Variants in ZNF516 observed in about 807,000 individuals in gnomAD.
The protein encoded by ZNF516 is zinc finger protein 516.
In ZNF516, 19 loss-of-function variants were observed where a neutral mutation model predicts 79.7. That is an observed-to-expected ratio of 0.24 (90% CI 0.17 to 0.35). The LOEUF (loss-of-function observed/expected upper bound fraction) is 0.35. Ranked by LOEUF, ZNF516 falls within the 10% of genes least tolerant of loss-of-function variation. The pLI is 1.00. For missense variants in ZNF516, 1,678 were observed against 1,679.5 expected (o/e 1.00, Z 0.02); for synonymous variants, 877 against 739.5 (o/e 1.19, Z -3.02).
intron 4 of ZNF516, among the ~76,000 whole-genome samples, chr18:76,372,452 T>C (rs1218359453): frequency 6.6e-6 from 1 of 152,082 alleles, no homozygotes; most frequent in African/African-American, 2.4e-5. Context: ...ACAGAAATAA[T>C]AACTAGAAAA....
rs1258347325 is a variant in ZNF516 at position 76,470,875 on chromosome 18, G to T, written c.-271-7734C>A. Among the ~76,000 whole-genome samples, 4 of 152,118 alleles carry T rather than the reference G, an allele frequency of 2.6e-5. No individual in the cohort carries two copies. The East Asian group carries it at 7.7e-4, about 29-fold the overall frequency. On this transcript the variant is annotated intron_variant, in intron 1 of 6. Coordinates refer to ENST00000443185, the MANE Select transcript of ZNF516 (RefSeq NM_014643.4). ...TAAAAAATGCAACAAAAGTTAGCCT[G>T]GCATGGTGGCAGGCGCCCGTAGTCC...
rs368787596 is a variant in ZNF516 at position 76,442,015 on chromosome 18, A to T, written c.1040T>A (p.Leu347Gln). 51 of 1,613,818 alleles carry T rather than the reference A, an allele frequency of 3.2e-5. No homozygotes were observed. In the African/African-American group the frequency reaches 6.0e-4, roughly 19 times the overall value. The change falls in exon 3 of 7, where the codon CTG becomes CAG. Residue 347 changes from leucine to glutamine, a missense_variant. Physicochemically the swap from Leu to Gln is moderately radical, Grantham distance 113 (BLOSUM62 -2). Around this residue, in one of 5 missense-constraint regions of ZNF516, gnomAD observed 1,294 missense variants for 1,248.3 expected, o/e 1.04. Transcript: ENST00000443185. ...GGCATTGTGGGCGTTCAAGCTGTCC[A>T]GGTTTGTAAACAGGTTCCCGCACTT... ...CAKCGNLFTN[L>Q]DSLNAHNAIH... is the part of the protein sequence containing the mutation.
chr18:76,446,255 A>T (rs1360725539), intron 2 of ZNF516, among the ~76,000 whole-genome samples: 4 of 152,238 alleles, frequency 2.6e-5, no homozygotes, highest in African/African-American at 9.6e-5. Context: ...CACAGCATCC[A>T]GACCCCAGGG....
intron 1 of ZNF516, among the ~76,000 whole-genome samples, chr18:76,472,735 C>T (rs904129766): frequency 2.0e-5 from 3 of 152,098 alleles, no homozygotes; most frequent in African/African-American, 7.2e-5. Flanking sequence ...CAAATGAAGG[C>T]CTCACAGGCA....
intron 2 of ZNF516, among the ~76,000 whole-genome samples, chr18:76,447,880 T>C (rs1912153011): frequency 6.6e-6 from 1 of 152,032 alleles, no homozygotes; most frequent in Non-Finnish European, 1.5e-5. Flanking sequence ...TCTTGCTGTA[T>C]GTGAGTGTGT....
At chr18:76,367,428 T>C (rs1249209405) in intron 6 of ZNF516, among the ~76,000 whole-genome samples, 1 of 152,208 alleles carries the variant, frequency 6.6e-6, no homozygotes, top group Non-Finnish European at 1.5e-5. Flanking sequence ...CCTAGGGCTC[T>C]CTATCCCCTG....
intron 3 of ZNF516, among the ~76,000 whole-genome samples, chr18:76,395,305 G>A (rs560057900): frequency 6.6e-6 from 1 of 152,276 alleles, no homozygotes; most frequent in East Asian, 1.9e-4. Flanking sequence ...CAGACACCAA[G>A]AAAGCAAACC....
At chr18:76,371,117 C>T (rs1325295838) in intron 5 of ZNF516, among the ~76,000 whole-genome samples, 1 of 152,248 alleles carries the variant, frequency 6.6e-6, no homozygotes, top group Non-Finnish European at 1.5e-5. Flanking sequence ...GACACAAAAC[C>T]AAGCCTACGC....
chr18:76,364,929 G>C (rs1279361441), intron 6 of ZNF516, among the ~76,000 whole-genome samples: 1 of 152,226 alleles, frequency 6.6e-6, no homozygotes, highest in South Asian at 2.1e-4. Context: ...ATTATATTTA[G>C]AGAAAATGGA....
chr18:76,447,267 G>A (rs1306467437), intron 2 of ZNF516, among the ~76,000 whole-genome samples: 1 of 152,224 alleles, frequency 6.6e-6, no homozygotes, highest in African/African-American at 2.4e-5. Context: ...TGGGACGTCA[G>A]CGGCCCTGCT....
At chr18:76,490,132 A>C in intron 1 of ZNF516, 1 of 983,970 alleles carries the variant, frequency 1.0e-6, no homozygotes, top group Non-Finnish European at 1.2e-6. Flanking sequence ...AATATTTGTG[A>C]GTCTTACACA....
intron 3 of ZNF516, among the ~76,000 whole-genome samples, chr18:76,384,037 G>A (rs766611944): frequency 2.6e-5 from 4 of 152,164 alleles, no homozygotes; most frequent in Admixed American, 6.5e-5. Flanking sequence ...CCTCCCAGGC[G>A]GCCCAAGGGG....
At chr18:76,422,750 A>T (rs1245515886) in intron 3 of ZNF516, among the ~76,000 whole-genome samples, 3 of 152,084 alleles carry the variant, frequency 2.0e-5, no homozygotes, top group African/African-American at 7.2e-5. Context: ...TGAATTCCAT[A>T]TATCTGGAGG....
intron 2 of ZNF516, among the ~76,000 whole-genome samples, chr18:76,445,308 G>C (rs1197753455): frequency 2.0e-5 from 3 of 151,290 alleles, no homozygotes; most frequent in African/African-American, 7.3e-5. Context: ...AACTGGAGAA[G>C]TAAATAAGCT....
At chr18:76,443,261 C>T in intron 2 of ZNF516, 50 bp from the exon 3 acceptor site, 1 of 717,012 alleles carries the variant, frequency 1.4e-6, no homozygotes, top group Non-Finnish European at 2.2e-6. Flanking sequence ...TAAGAGGGCA[C>T]AGGCATGGCT....
intron 3 of ZNF516, among the ~76,000 whole-genome samples, chr18:76,439,339 A>G (rs2075784372): frequency 6.6e-6 from 1 of 152,218 alleles, no homozygotes; most frequent in Admixed American, 6.5e-5. Flanking sequence ...AGTGACCCAC[A>G]TACACCTACA....
At chr18:76,484,102 C>T (rs375807293) in intron 1 of ZNF516, among the ~76,000 whole-genome samples, 2 of 152,220 alleles carry the variant, frequency 1.3e-5, no homozygotes, top group Non-Finnish European at 2.9e-5. Context: ...CATGACAACA[C>T]GCTTACCAAG....
chr18:76,442,375 T>C lies in ZNF516; in HGVS notation c.680A>G (p.Gln227Arg), dbSNP rs757228995. ...GCAGGCCTCGCCGCTGCCGGGCCCC[T>C]GCGCGGTGATGTGGTCCCTCTCGAT... ...SHIERDHITAQGPGSGEACVE... is the reference protein window; with the variant it reads ...SHIERDHITARGPGSGEACVE... Residue 227 changes from glutamine (Q) to arginine (R), a missense_variant, in exon 3 of 7, where the codon CAG becomes CGG. Around this residue, in one of 5 missense-constraint regions of ZNF516, gnomAD observed 279 missense variants for 254.1 expected, o/e 1.10. Coordinates refer to ENST00000443185, the MANE Select transcript of ZNF516 (RefSeq NM_014643.4). The C allele has an allele frequency of 1.2e-6, 2 of 1,609,020 alleles. No homozygotes were observed. Among genetic ancestry groups the C allele is most frequent in the South Asian group, 1.1e-5 (1 of 91,016 alleles).
intron 3 of ZNF516, among the ~76,000 whole-genome samples, chr18:76,395,905 C>T (rs1391566700): frequency 2.0e-5 from 3 of 152,294 alleles, no homozygotes; most frequent in South Asian, 2.1e-4. Flanking sequence ...CCCCACACCG[C>T]GAGCTTCACC....
Sources: allele counts gnomAD v4.1 joint callset (sites outside exome capture counted in the v4.1 genomes callset), GRCh38; gene constraint gnomAD v4.1.1; regional missense constraint gnomAD v4.1.1; transcripts MANE v1.5; gene names NCBI Gene and HGNC (gene_info 2026-07-23, HGNC 2026-07-21).